OLFM3: variants seen among roughly 807,000 people sequenced by gnomAD.
OLFM3 encodes noelin-3.
OLFM3 carries 20 observed loss-of-function variants against 48.6 expected under a neutral mutation model. That is an observed-to-expected ratio of 0.41 (90% CI 0.29 to 0.60). OLFM3 has a LOEUF of 0.60. OLFM3 is among the 20% of genes least tolerant of loss of function. The pLI is 0.28. For missense variants in OLFM3, 437 were observed against 544.3 expected (o/e 0.80, Z 1.96); for synonymous variants, 222 against 198.1 (o/e 1.12, Z -1.01).
chr1:101,876,549 ATTTG>A (rs751827749), intron 1 of OLFM3, among the ~76,000 whole-genome samples: 6 of 152,020 alleles, frequency 3.9e-5, no homozygotes, highest in Admixed American at 2.0e-4. Flanking sequence ...CTCTGTTTGT[ATTTG>A]TTTGTTTTAG....
At chr1:101,816,674 A>C (rs2100880484) in intron 4 of OLFM3, among the ~76,000 whole-genome samples, 2 of 152,286 alleles carry the variant, frequency 1.3e-5, no homozygotes, top group South Asian at 4.1e-4. Flanking sequence ...CTCATCTATA[A>C]AATGAAAATT....
chr1:101,941,516 G>A (rs377578126), intron 1 of OLFM3, among the ~76,000 whole-genome samples: 1 of 152,110 alleles, frequency 6.6e-6, no homozygotes. Flanking sequence ...GTCCATGAAT[G>A]AAGCTGGTGA....
rs542582838 is a variant in OLFM3, at chr1:101,809,070, A to C, written c.593-2888T>G. On this transcript the variant is annotated intron_variant, in intron 4 of 5. Transcript: ENST00000370103. ...AGATAAAAATGAAAATAAGAGAAAAAATATGGAGGCATCTAGGATCAATCT... is the reference window on the plus strand; with the variant it reads ...AGATAAAAATGAAAATAAGAGAAAACATATGGAGGCATCTAGGATCAATCT... 7.9e-5 allele frequency among the ~76,000 whole-genome samples: 12 copies of C among 151,794 alleles called. No homozygotes were observed. In the South Asian group the frequency reaches 2.3e-3, roughly 29 times the overall value.
intron 4 of OLFM3, among the ~76,000 whole-genome samples, chr1:101,815,009 A>G (rs1348102634): frequency 1.3e-5 from 2 of 152,188 alleles, no homozygotes; most frequent in African/African-American, 4.8e-5. Context: ...AGTAGTCCAC[A>G]TTGTTTGTAA....
At chr1:101,875,990 A>G (rs1285797952) in intron 1 of OLFM3, among the ~76,000 whole-genome samples, 3 of 152,036 alleles carry the variant, frequency 2.0e-5, no homozygotes. Context: ...CTAAAAGAGA[A>G]TTTATCAGAA....
At position 101,825,015 on chromosome 1, in the gene OLFM3, G is replaced by T. The variant is rs778016898; in HGVS notation, c.592+11C>A. On this transcript the variant is annotated intron_variant, in intron 4 of 5. Coordinates refer to ENST00000370103, the MANE Select transcript of OLFM3 (RefSeq NM_058170.4). ...AAACGTAACTTAGACAAATTAAATT[G>T]TCATACTCACTTAGCTTTTTCATGC... The T allele has an allele frequency of 4.4e-6, 7 of 1,609,088 alleles. No homozygotes were observed. In the African/African-American group the frequency reaches 5.3e-5, roughly 12 times the overall value.
In OLFM3 at chr1:101,802,764, A is replaced by C. The variant is rs1653550244; in HGVS notation, c.*1474T>G. On this transcript the variant is annotated 3_prime_UTR_variant, in exon 6 of 6. Coordinates refer to ENST00000370103, the MANE Select transcript of OLFM3 (RefSeq NM_058170.4). The stretch of plus-strand genomic sequence containing the variant: ...TATGTATGTGTGAAACTAAACATTT[A>C]AAACAATTTGTTTTATTATTTATTA... The C allele has an allele frequency of 6.6e-6, 1 of 151,818 alleles. No homozygotes were observed. The highest frequency in any genetic ancestry group is 1.9e-4 in the East Asian group (1 of 5,144). The allele number at this position is 151,818 out of a possible 1,614,324, so 9.4% of individuals were successfully genotyped here. A position where few individuals can be genotyped will look rare whatever the true frequency, so the allele number is the denominator to read the frequency against.
intron 4 of OLFM3, among the ~76,000 whole-genome samples, chr1:101,810,428 AAAG>A (rs1410223673): frequency 6.6e-6 from 1 of 152,016 alleles, no homozygotes; most frequent in Non-Finnish European, 1.5e-5. Flanking sequence ...GAGCAGAGCT[AAAG>A]AAGGAGACTA....
intron 1 of OLFM3, among the ~76,000 whole-genome samples, chr1:101,857,391 T>G (rs1293649419): frequency 1.3e-5 from 2 of 151,888 alleles, no homozygotes; most frequent in African/African-American, 4.8e-5. Flanking sequence ...AACAAGTAAT[T>G]TGGATTATAA....
intron 4 of OLFM3, among the ~76,000 whole-genome samples, chr1:101,820,103 G>A (rs979092573): frequency 4.6e-5 from 7 of 152,078 alleles, no homozygotes; most frequent in Admixed American, 1.3e-4. Flanking sequence ...ATAAATAATT[G>A]TTAAATTAAA....
At chr1:101,975,347 T>G (rs753156403) in intron 1 of OLFM3, among the ~76,000 whole-genome samples, 6 of 152,234 alleles carry the variant, frequency 3.9e-5, no homozygotes, top group African/African-American at 9.6e-5. Context: ...ATCTGTATGC[T>G]GATGCTTTTA....
intron 1 of OLFM3, among the ~76,000 whole-genome samples, chr1:101,961,339 A>C (rs1326362741): frequency 1.3e-5 from 2 of 152,086 alleles, no homozygotes; most frequent in African/African-American, 2.4e-5. Flanking sequence ...TGTAAATTAT[A>C]GTAACATATT....
chr1:101,908,894 G>A (rs113010028), intron 1 of OLFM3, among the ~76,000 whole-genome samples: 3 of 152,272 alleles, frequency 2.0e-5, no homozygotes, highest in African/African-American at 4.8e-5. Context: ...AGGGTTTAGA[G>A]GCCATACTGT....
At chr1:101,841,877 C>T (rs528213958) in intron 1 of OLFM3, among the ~76,000 whole-genome samples, 3 of 152,262 alleles carry the variant, frequency 2.0e-5, no homozygotes, top group East Asian at 1.9e-4. Flanking sequence ...TTAAAACTTA[C>T]TTGATTTAGA....
At chr1:101,852,118 C>G (rs1220447956) in intron 1 of OLFM3, among the ~76,000 whole-genome samples, 1 of 151,172 alleles carries the variant, frequency 6.6e-6, no homozygotes, top group Admixed American at 6.6e-5. Context: ...ATCATAAATA[C>G]CACCATACTT....
chr1:101,868,687 T>C (rs1308991077), intron 1 of OLFM3, among the ~76,000 whole-genome samples: 2 of 152,194 alleles, frequency 1.3e-5, no homozygotes, highest in East Asian at 3.8e-4. Context: ...GGGGAAAATG[T>C]CTCCAAGGCA....
intron 4 of OLFM3, among the ~76,000 whole-genome samples, chr1:101,814,757 A>G (rs1654246300): frequency 6.6e-6 from 1 of 152,198 alleles, no homozygotes; most frequent in African/African-American, 2.4e-5. Context: ...TTCATGGGTA[A>G]CAATAGAAAT....
chr1:101,983,980 C>T (rs919711078), intron 1 of OLFM3, among the ~76,000 whole-genome samples: 20 of 152,082 alleles, frequency 1.3e-4, no homozygotes, highest in African/African-American at 4.8e-4. Flanking sequence ...GGGTAGCCTG[C>T]GGCTCACACC....
At chr1:101,810,849 A>G (rs1014570611) in intron 4 of OLFM3, among the ~76,000 whole-genome samples, 1 of 151,670 alleles carries the variant, frequency 6.6e-6, no homozygotes, top group Non-Finnish European at 1.5e-5. Context: ...CTTAATATAT[A>G]TATCAAAGCT....
Sources: allele counts gnomAD v4.1 joint callset (sites outside exome capture counted in the v4.1 genomes callset), GRCh38; gene constraint gnomAD v4.1.1; transcripts MANE v1.5; gene names NCBI Gene and HGNC (gene_info 2026-07-23, HGNC 2026-07-21).